The following PTPRD variants were observed in gnomAD, a reference collection of about 807,000 sequenced individuals.
PTPRD encodes receptor-type tyrosine-protein phosphatase delta.
Under a neutral mutation model 214.5 loss-of-function variants are expected in PTPRD, and 34 were observed. The ratio of observed to expected loss-of-function variants is 0.16; its 90% CI spans 0.12 to 0.21. The LOEUF is 0.21. Ranked by LOEUF, PTPRD falls within the 10% of genes least tolerant of loss-of-function variation. The probability of loss-of-function intolerance (pLI) is 1.00; values close to 1 mark genes in which losing one functional copy is unlikely to be tolerated. For missense variants in PTPRD, 2,545 were observed against 2,398.7 expected (o/e 1.06, Z -1.27); for synonymous variants, 1,128 against 845.7 (o/e 1.33, Z -5.79).
intron 11 of PTPRD, among the ~76,000 whole-genome samples, chr9:8,766,597 T>G (rs1190007145): frequency 6.6e-6 from 1 of 152,218 alleles, no homozygotes; most frequent in Non-Finnish European, 1.5e-5. Flanking sequence ...TCACCTATGT[T>G]TGTAATTGAT....
At chr9:8,659,223 T>A (rs944362103) in intron 12 of PTPRD, among the ~76,000 whole-genome samples, 15 of 152,218 alleles carry the variant, frequency 9.9e-5, no homozygotes, top group African/African-American at 3.6e-4. Context: ...GGAGACATTT[T>A]TAAAATGAAT....
intron 7 of PTPRD, among the ~76,000 whole-genome samples, chr9:9,633,970 CT>C (rs1222064019): frequency 6.6e-6 from 1 of 152,218 alleles, no homozygotes; most frequent in East Asian, 1.9e-4. Flanking sequence ...TATGATACTG[CT>C]GTCAAGGGTG....
intron 27 of PTPRD, among the ~76,000 whole-genome samples, chr9:8,490,636 T>C (rs529375316): frequency 7.6e-4 from 116 of 152,266 alleles, no homozygotes; most frequent in African/African-American, 2.7e-3. Flanking sequence ...ATTATTACAA[T>C]ACAGAATAAT....
chr9:8,855,809 A>G (rs1023612830), intron 11 of PTPRD, among the ~76,000 whole-genome samples: 1 of 152,196 alleles, frequency 6.6e-6, no homozygotes, highest in African/African-American at 2.4e-5. Context: ...TTCCTTCACA[A>G]AAGAAAATTC....
intron 3 of PTPRD, among the ~76,000 whole-genome samples, chr9:10,096,941 C>A (rs1403937051): frequency 1.3e-5 from 2 of 151,996 alleles, no homozygotes; most frequent in East Asian, 3.9e-4. Flanking sequence ...GATCCAGTTT[C>A]AGCTTTCTAC....
intron 7 of PTPRD, among the ~76,000 whole-genome samples, 155 bp from the exon 8 acceptor site, chr9:9,574,936 T>C (rs1248629795): frequency 6.6e-6 from 1 of 152,162 alleles, no homozygotes; most frequent in Non-Finnish European, 1.5e-5. Context: ...ACAGTATTTG[T>C]CTGAAATAGC....
chr9:9,943,708 G>A (rs1325470720), intron 4 of PTPRD, among the ~76,000 whole-genome samples: 1 of 152,150 alleles, frequency 6.6e-6, no homozygotes, highest in East Asian at 1.9e-4. Context: ...AGGTACAGAA[G>A]CTAATTGTGC....
chr9:8,828,895 G>C (rs1326201409), intron 11 of PTPRD, among the ~76,000 whole-genome samples: 1 of 152,048 alleles, frequency 6.6e-6, no homozygotes, highest in Non-Finnish European at 1.5e-5. Flanking sequence ...AAATAACTTA[G>C]GGTGCGTTCA....
At chr9:8,425,854 T>A (rs151228273) in intron 35 of PTPRD, among the ~76,000 whole-genome samples, 8 of 152,252 alleles carry the variant, frequency 5.3e-5, no homozygotes, top group Non-Finnish European at 1.0e-4. Context: ...AGCAGAGACA[T>A]CAGGACAGTT....
chr9:8,324,558 CAT>C (rs1831709027), intron 44 of PTPRD, among the ~76,000 whole-genome samples: 2 of 152,266 alleles, frequency 1.3e-5, no homozygotes, highest in Admixed American at 6.5e-5. Context: ...CCACAATAAA[CAT>C]ATGTGTGCAT....
In PTPRD at chr9:9,464,914, G is replaced by A. The variant is rs148202198; in HGVS notation, c.-236-67432C>T. On this transcript the variant is annotated intron_variant, in intron 8 of 45. Coordinates refer to ENST00000381196, the MANE Select transcript of PTPRD (RefSeq NM_002839.4). ...TTAATTAAGCATGTCCAATGCAGGC[G>A]TCTAGAGCATTGTGCATGAAACCTC... Among the ~76,000 whole-genome samples, 667 of 152,222 alleles carry A rather than the reference G, an allele frequency of 4.4e-3. 1 individual carries two copies. Among genetic ancestry groups the A allele is most frequent in the African/African-American group, 0.014 (592 of 41,522 alleles).
At chr9:10,152,949 T>A (rs888092329) in intron 3 of PTPRD, among the ~76,000 whole-genome samples, 2 of 152,082 alleles carry the variant, frequency 1.3e-5, no homozygotes, top group Non-Finnish European at 2.9e-5. Context: ...AGCTCACATA[T>A]CTGTGGAATA....
intron 11 of PTPRD, among the ~76,000 whole-genome samples, chr9:8,953,015 G>A (rs1335886431): frequency 6.6e-6 from 1 of 151,670 alleles, no homozygotes; most frequent in Admixed American, 6.6e-5. Flanking sequence ...TGTTTATCTT[G>A]TTCCTCCATT....
chr9:10,125,353 T>C (rs892729973), intron 3 of PTPRD, among the ~76,000 whole-genome samples: 3 of 151,164 alleles, frequency 2.0e-5, no homozygotes, highest in African/African-American at 7.3e-5. Flanking sequence ...GGAAAATAAA[T>C]CAATCATTTC....
intron 11 of PTPRD, among the ~76,000 whole-genome samples, chr9:8,883,022 T>A (rs1230955936): frequency 1.3e-5 from 2 of 151,958 alleles, no homozygotes; most frequent in African/African-American, 2.4e-5. Flanking sequence ...CCACACATAC[T>A]TTTTTCCCCC....
chr9:8,340,551 C>G (rs1278655811), intron 41 of PTPRD, 82 bp from the exon 42 acceptor site: 6 of 1,367,548 alleles, frequency 4.4e-6, no homozygotes, highest in Non-Finnish European at 3.9e-6. Context: ...AAACATCAAC[C>G]TGCTAATAAA....
chr9:10,270,142 T>C (rs1331401990), intron 3 of PTPRD, among the ~76,000 whole-genome samples: 1 of 152,134 alleles, frequency 6.6e-6, no homozygotes, highest in Non-Finnish European at 1.5e-5. Flanking sequence ...TGTCAACAAG[T>C]ATACATAAAC....
chr9:10,425,728 G>A (rs750855423), intron 2 of PTPRD, among the ~76,000 whole-genome samples: 1 of 151,714 alleles, frequency 6.6e-6, no homozygotes, highest in Non-Finnish European at 1.5e-5. Context: ...CACACTTCAC[G>A]GCTCAAAGTG....
chr9:10,230,380 T>C (rs1282385589), intron 3 of PTPRD, among the ~76,000 whole-genome samples: 1 of 151,874 alleles, frequency 6.6e-6, no homozygotes, highest in Admixed American at 6.6e-5. Context: ...TAGTCTTTTC[T>C]TACCAAAACA....
Sources: gnomAD v4.1 joint callset for allele counts (sites outside exome capture counted in the v4.1 genomes callset) on GRCh38, gnomAD v4.1.1 for gene constraint, MANE v1.5 for transcripts, NCBI Gene and HGNC (gene_info 2026-07-23, HGNC 2026-07-21) for gene names.